Variants in CCDC148 observed in about 807,000 individuals in gnomAD.
The protein encoded by CCDC148 is coiled-coil domain containing 148.
CCDC148 carries 89 observed loss-of-function variants against 85.7 expected under a neutral mutation model. That is an observed-to-expected ratio of 1.04 (90% CI 0.87 to 1.24). The LOEUF is 1.24. Ranked by LOEUF, CCDC148 falls within the 50% of genes most tolerant of loss-of-function variation. CCDC148 has a pLI of 0.00. For missense variants in CCDC148, 692 were observed against 671.7 expected, an observed-to-expected ratio of 1.03 and a Z score of -0.33; for synonymous variants, 230 against 213.9, an observed-to-expected ratio of 1.08 and a Z score of -0.66.
intron 9 of CCDC148, among the ~76,000 whole-genome samples, chr2:158,261,753 A>T (rs1689233706): frequency 6.6e-6 from 1 of 152,146 alleles, no homozygotes; most frequent in African/African-American, 2.4e-5. Context: ...TTCAACAAGC[A>T]TAAGAAATAA....
intron 1 of CCDC148, among the ~76,000 whole-genome samples, chr2:158,383,383 CAAGAT>C (rs954649924): frequency 3.3e-5 from 5 of 150,950 alleles, no homozygotes; most frequent in Admixed American, 6.6e-5. Flanking sequence ...AATTCTAAAG[CAAGAT>C]AAGAGATAGG....
At chr2:158,283,390 A>C (rs1322229409) in intron 9 of CCDC148, among the ~76,000 whole-genome samples, 3 of 152,174 alleles carry the variant, frequency 2.0e-5, no homozygotes, top group Admixed American at 1.3e-4. Flanking sequence ...TCTGACAAAG[A>C]GCTAATATCC....
intron 7 of CCDC148, 137 bp downstream of exon 7, chr2:158,338,589 A>G: frequency 1.6e-6 from 1 of 625,226 alleles, no homozygotes. Flanking sequence ...CTATTCATCA[A>G]ATAGTCAGTC....
At chr2:158,436,951 C>A (rs967495214) in intron 1 of CCDC148, among the ~76,000 whole-genome samples, 2 of 152,166 alleles carry the variant, frequency 1.3e-5, no homozygotes, top group East Asian at 3.9e-4. Context: ...TCTGAATAAA[C>A]AAATAACAGG....
At chr2:158,180,964 A>G (rs1684870819) in intron 11 of CCDC148, among the ~76,000 whole-genome samples, 1 of 152,114 alleles carries the variant, frequency 6.6e-6, no homozygotes, top group Non-Finnish European at 1.5e-5. Flanking sequence ...CCTTTCTCTC[A>G]CGCCTCCATG....
intron 11 of CCDC148, among the ~76,000 whole-genome samples, chr2:158,211,261 A>C (rs1686562681): frequency 6.6e-6 from 1 of 152,198 alleles, no homozygotes; most frequent in Admixed American, 6.5e-5. Flanking sequence ...TTATGTACCA[A>C]AATAAAAGTC....
chr2:158,197,133 T>C (rs772860731), intron 11 of CCDC148, among the ~76,000 whole-genome samples: 14 of 152,184 alleles, frequency 9.2e-5, no homozygotes, highest in Non-Finnish European at 1.8e-4. Context: ...GGGAATTTTA[T>C]ACAGAGAAGT....
At chr2:158,250,259 G>A (rs1688735297) in intron 10 of CCDC148, among the ~76,000 whole-genome samples, 1 of 151,924 alleles carries the variant, frequency 6.6e-6, no homozygotes, top group Non-Finnish European at 1.5e-5. Context: ...ACTCAAAAGA[G>A]GAATGATGAA....
intron 9 of CCDC148, among the ~76,000 whole-genome samples, chr2:158,298,547 C>T (rs1025264051): frequency 5.9e-5 from 9 of 151,996 alleles, no homozygotes; most frequent in African/African-American, 1.9e-4. Context: ...TTCTCACTTT[C>T]ACTTTATTAT....
At chr2:158,247,014 C>A (rs1040789231) in intron 10 of CCDC148, among the ~76,000 whole-genome samples, 1 of 152,092 alleles carries the variant, frequency 6.6e-6, no homozygotes, top group Non-Finnish European at 1.5e-5. Context: ...AGTTTAATAA[C>A]CTTGATTACT....
intron 1 of CCDC148, among the ~76,000 whole-genome samples, chr2:158,419,129 A>C (rs907140667): frequency 2.0e-5 from 3 of 152,168 alleles, no homozygotes; most frequent in African/African-American, 7.2e-5. Context: ...CACTAAGATC[A>C]TGTTCTAACT....
intron 2 of CCDC148, among the ~76,000 whole-genome samples, chr2:158,353,488 A>G (rs370118017): frequency 0.18 from 26,433 of 150,834 alleles, 2,982 homozygotes; most frequent in Middle Eastern, 0.25. Context: ...GAAGGCCATT[A>G]CATAATGGTA....
At chr2:158,424,771 C>A in intron 1 of CCDC148, 1 of 209,086 alleles carries the variant, frequency 4.8e-6, no homozygotes, top group South Asian at 7.8e-5. Context: ...GGATTGAGCC[C>A]AGAAACTTCT....
chr2:158,177,639 G>C (rs1020567663), intron 12 of CCDC148, among the ~76,000 whole-genome samples: 2 of 152,124 alleles, frequency 1.3e-5, no homozygotes, highest in Non-Finnish European at 2.9e-5. Context: ...CTTGTACCCA[G>C]AAGGCCATGA....
chr2:158,217,497 G>GGTTCACGCCATTCTCCTGC (rs980064833), intron 11 of CCDC148, among the ~76,000 whole-genome samples: 5 of 151,682 alleles, frequency 3.3e-5, no homozygotes, highest in African/African-American at 1.2e-4. Context: ...CCGCCTCCTG[G>GGTTCACGCCATTCTCCTGC]GTTCACGCCA....
chr2:158,175,822 C>A (rs887920082), intron 13 of CCDC148, among the ~76,000 whole-genome samples: 35 of 152,064 alleles, frequency 2.3e-4, no homozygotes, highest in African/African-American at 8.4e-4. Flanking sequence ...GTAAAACTGA[C>A]AACTACTTTC....
chr2:158,179,215 G>A (rs1038546639), intron 11 of CCDC148, among the ~76,000 whole-genome samples: 1 of 118,316 alleles, frequency 8.5e-6, no homozygotes, highest in Non-Finnish European at 1.6e-5. Flanking sequence ...CTTGAGTGCA[G>A]AGGCACGATC....
chr2:158,203,049 G>C (rs1447155417), intron 11 of CCDC148, among the ~76,000 whole-genome samples: 4 of 152,118 alleles, frequency 2.6e-5, no homozygotes, highest in Non-Finnish European at 5.9e-5. Context: ...CTGTAAGTAG[G>C]GAGGCTTGCT....
chr2:158,216,765 C>G (rs1686886583), intron 11 of CCDC148, among the ~76,000 whole-genome samples: 1 of 151,930 alleles, frequency 6.6e-6, no homozygotes, highest in Non-Finnish European at 1.5e-5. Flanking sequence ...GGCCTTCTTG[C>G]TTTAATATTT....
Sources: gnomAD v4.1 joint callset for allele counts (sites outside exome capture counted in the v4.1 genomes callset) on GRCh38, gnomAD v4.1.1 for gene constraint, MANE v1.5 for transcripts, NCBI Gene and HGNC (gene_info 2026-07-23, HGNC 2026-07-21) for gene names.